The following FNIP1 variants were observed in gnomAD, a reference collection of about 807,000 sequenced individuals.
The protein encoded by FNIP1 is folliculin-interacting protein 1.
A neutral mutation model predicts 124.5 loss-of-function variants in FNIP1; 40 were observed. That is an observed-to-expected ratio of 0.32 (90% CI 0.25 to 0.42). The LOEUF is 0.42. Ranked by LOEUF, FNIP1 falls within the 10% of genes least tolerant of loss-of-function variation. The pLI, the probability that FNIP1 is intolerant of heterozygous loss-of-function variation, is 1.00. For synonymous variants in FNIP1, 472 were observed against 470.6 expected, an observed-to-expected ratio of 1.00 and a Z score of -0.04; for missense variants, 1,176 against 1,403.7, an observed-to-expected ratio of 0.84 and a Z score of 2.59.
At position 131,677,712 on chromosome 5, in the gene FNIP1, C is replaced by A; in HGVS notation, c.1510G>T (p.Ala504Ser). Residue 504 changes from alanine (A) to serine (S), a missense_variant, in exon 13 of 18, where the codon GCA (alanine) becomes TCA (serine). Around this residue, in one of 2 missense-constraint regions of FNIP1, gnomAD observed 1,109 missense variants for 1,288.5 expected, o/e 0.86. Transcript: ENST00000510461. ...TTGTCAGATTACATACCCAGTTGTGCCCAAAGTGGGTTATATGGATGAGTC... is the reference window on the plus strand; with the variant it reads ...TTGTCAGATTACATACCCAGTTGTGACCAAAGTGGGTTATATGGATGAGTC... ...AKTHPYNPLW[A>S]QLGDLYGAIG... 6.2e-7 allele frequency: 1 copy of A among 1,613,154 alleles called. No individual in the cohort carries two copies. The highest frequency in any genetic ancestry group is 8.5e-7 in the Non-Finnish European group (1 of 1,179,282).
At chr5:131,652,341 G>A (rs936629515) in intron 15 of FNIP1, among the ~76,000 whole-genome samples, 14 of 152,070 alleles carry the variant, frequency 9.2e-5, no homozygotes, top group Non-Finnish European at 2.1e-4. Flanking sequence ...TTTTTACCCT[G>A]AAAGAGACAA....
At chr5:131,734,199 G>A (rs971573280) in intron 2 of FNIP1, among the ~76,000 whole-genome samples, 18 of 151,900 alleles carry the variant, frequency 1.2e-4, no homozygotes, top group South Asian at 6.2e-4. Flanking sequence ...TTTTTATTGC[G>A]TCTATTTGAT....
At chr5:131,766,600 GC>G (rs1771434079) in intron 1 of FNIP1, among the ~76,000 whole-genome samples, 1 of 152,122 alleles carries the variant, frequency 6.6e-6, no homozygotes, top group African/African-American at 2.4e-5. Context: ...AGGAAAATTG[GC>G]TCATGAGATT....
chr5:131,788,302 T>C (rs767167112), intron 1 of FNIP1, among the ~76,000 whole-genome samples: 50 of 152,152 alleles, frequency 3.3e-4, no homozygotes, highest in Middle Eastern at 3.2e-3. Flanking sequence ...GGTTATCTTA[T>C]GTTTTACATG....
intron 1 of FNIP1, among the ~76,000 whole-genome samples, chr5:131,788,857 A>G (rs1325616897): frequency 3.3e-5 from 5 of 152,182 alleles, no homozygotes; most frequent in Admixed American, 3.3e-4. Context: ...AAATTATAAT[A>G]TTTGCACTTC....
intron 2 of FNIP1, among the ~76,000 whole-genome samples, chr5:131,735,261 A>G (rs1770249637): frequency 6.6e-6 from 1 of 152,128 alleles, no homozygotes; most frequent in Non-Finnish European, 1.5e-5. Context: ...TTGAACAATG[A>G]GAACACTTGG....
At chr5:131,793,364 T>G (rs1275999846) in intron 1 of FNIP1, among the ~76,000 whole-genome samples, 1 of 152,190 alleles carries the variant, frequency 6.6e-6, no homozygotes, top group Non-Finnish European at 1.5e-5. Flanking sequence ...TGTACTATAG[T>G]TATTGGGCTT....
At chr5:131,769,934 T>C (rs902091263) in intron 1 of FNIP1, among the ~76,000 whole-genome samples, 17 of 152,242 alleles carry the variant, frequency 1.1e-4, no homozygotes, top group Middle Eastern at 3.2e-3. Context: ...TGCCAATGTA[T>C]GTATTTTTTA....
intron 1 of FNIP1, among the ~76,000 whole-genome samples, chr5:131,762,427 C>T (rs1431674734): frequency 6.6e-6 from 1 of 152,054 alleles, no homozygotes; most frequent in Non-Finnish European, 1.5e-5. Context: ...TCCAATTAAA[C>T]ATAGGCAAAA....
chr5:131,791,027 T>C (rs1213964289), intron 1 of FNIP1, among the ~76,000 whole-genome samples: 1 of 152,084 alleles, frequency 6.6e-6, no homozygotes, highest in Non-Finnish European at 1.5e-5. Flanking sequence ...TATGAGACAA[T>C]TTGACAGGAG....
intron 8 of FNIP1, among the ~76,000 whole-genome samples, chr5:131,708,737 T>G (rs1158878304): frequency 6.6e-6 from 1 of 152,014 alleles, no homozygotes; most frequent in African/African-American, 2.4e-5. Context: ...ATGTCCACCA[T>G]GTTTCAATAA....
intron 2 of FNIP1, among the ~76,000 whole-genome samples, chr5:131,737,191 G>A (rs1770341091): frequency 6.6e-6 from 1 of 152,174 alleles, no homozygotes; most frequent in Non-Finnish European, 1.5e-5. Flanking sequence ...ATGAGGGATT[G>A]TTGTTGACTG....
intron 1 of FNIP1, among the ~76,000 whole-genome samples, chr5:131,779,421 T>C (rs1317499306): frequency 6.6e-6 from 1 of 152,074 alleles, no homozygotes; most frequent in African/African-American, 2.4e-5. Context: ...GGCTTACGCC[T>C]GTAATCCCAG....
At chr5:131,686,570 TACACTGTAAGTGTAATATAAA>T (rs1768278602) in intron 11 of FNIP1, among the ~76,000 whole-genome samples, 1 of 152,214 alleles carries the variant, frequency 6.6e-6, no homozygotes, top group Non-Finnish European at 1.5e-5. Context: ...ATTTTGTGGG[TACACTGTAAGTGTAATATAAA>T]TTATGGGGTA....
At chr5:131,768,263 A>G (rs892182096) in intron 1 of FNIP1, among the ~76,000 whole-genome samples, 1 of 152,210 alleles carries the variant, frequency 6.6e-6, no homozygotes, top group African/African-American at 2.4e-5. Flanking sequence ...ATCATGTATC[A>G]TAATATGCTA....
intron 2 of FNIP1, among the ~76,000 whole-genome samples, chr5:131,742,058 G>A (rs867521568): frequency 3.9e-5 from 6 of 152,124 alleles, no homozygotes; most frequent in African/African-American, 7.2e-5. Context: ...TTGATAAAGC[G>A]AACAGAGTAA....
chr5:131,713,773 A>G (rs1199423347), intron 6 of FNIP1, among the ~76,000 whole-genome samples: 1 of 152,220 alleles, frequency 6.6e-6, no homozygotes, highest in African/African-American at 2.4e-5. Flanking sequence ...CTATTTAATT[A>G]GCTAATCTGG....
At chr5:131,739,287 G>A (rs971904553) in intron 2 of FNIP1, among the ~76,000 whole-genome samples, 10 of 152,268 alleles carry the variant, frequency 6.6e-5, no homozygotes, top group African/African-American at 2.4e-4. Context: ...TCATGCTTGA[G>A]CCCAAGAGTT....
At chr5:131,692,021 A>C (rs1768496869) in intron 11 of FNIP1, among the ~76,000 whole-genome samples, 1 of 152,180 alleles carries the variant, frequency 6.6e-6, no homozygotes, top group African/African-American at 2.4e-5. Context: ...GGGCTGTAAG[A>C]AAGACACAAA....
Sources: allele counts gnomAD v4.1 joint callset (sites outside exome capture counted in the v4.1 genomes callset), GRCh38; gene constraint gnomAD v4.1.1; regional missense constraint gnomAD v4.1.1; transcripts MANE v1.5; gene names NCBI Gene and HGNC (gene_info 2026-07-23, HGNC 2026-07-21).